Variants in PRR12 observed in about 807,000 individuals in gnomAD.
PRR12 encodes the protein proline rich 12, also known as proline-rich protein 12.
PRR12 carries 12 observed loss-of-function variants against 138.0 expected under a neutral mutation model. That is an observed-to-expected ratio of 0.09 (90% CI 0.06 to 0.14). The LOEUF is 0.14. PRR12 is among the 10% of genes least tolerant of loss of function. The probability of loss-of-function intolerance (pLI) is 1.00; values close to 1 mark genes in which losing one functional copy is unlikely to be tolerated. For missense variants in PRR12, 2,692 were observed against 2,861.3 expected (o/e 0.94, Z 1.35); for synonymous variants, 1,567 against 1,291.7 (o/e 1.21, Z -4.57).
At position 49,597,159 on chromosome 19, in the gene PRR12, G is replaced by A. The variant is rs1568423157; in HGVS notation, c.2824G>A (p.Glu942Lys). 6.4e-7 allele frequency: 1 copy of A among 1,552,254 alleles called. No individual in the cohort carries two copies. ...CTTCCCTGACTCCTTGCTCCAAGAC[G>A]AGGAGCGCAGCTTCTTCCCCACCAT... Reference protein sequence around the residue: ...ICFPDSLLQDEERSFFPTMEE... With the variant: ...ICFPDSLLQDKERSFFPTMEE... The change falls in exon 4 of 14, where the codon GAG becomes AAG. Residue 942 changes from glutamate (E) to lysine (K), a missense_variant. By Grantham distance (56) the Glu-to-Lys change is moderately conservative. Transcript: ENST00000418929. This position sits in a 1 kb window ranked among gnomAD's most constrained non-coding sequence, Gnocchi z 6.3.
intron 6 of PRR12, among the ~76,000 whole-genome samples, chr19:49,603,991 T>C (rs2080825658): frequency 6.6e-6 from 1 of 151,964 alleles, no homozygotes. Context: ...TGGCTAATTT[T>C]TGTATTTTTA....
At chr19:49,598,243 T>G (rs2080789062) in intron 4 of PRR12, among the ~76,000 whole-genome samples, 2 of 151,760 alleles carry the variant, frequency 1.3e-5, no homozygotes, top group East Asian at 1.9e-4. Context: ...CCGGCTAGTT[T>G]TTTTGTATTT....
In PRR12 at chr19:49,625,604, G is replaced by A; in HGVS notation, c.6108G>A (p.Gly2036=). The A allele has an allele frequency of 1.2e-6, 2 of 1,603,788 alleles. No individual in the cohort carries two copies. Among genetic ancestry groups the A allele is most frequent in the Non-Finnish European group, 1.7e-6 (2 of 1,174,834 alleles). ...AAGCACAGGCCCACAGCCGCTGCGG[G>A]TGACCCCGCCCCAGCTTGTGAGGGG... ...LAQAQAHSRC[G] Residue 2036 remains glycine (G), a synonymous_variant, in exon 14 of 14, where the codon GGG becomes GGA. Coordinates refer to ENST00000418929, the MANE Select transcript of PRR12 (RefSeq NM_020719.3). The surrounding 1 kb of genome is among the most constrained non-coding windows in gnomAD (Gnocchi z 5.5).
At position 49,594,642 on chromosome 19, in the gene PRR12, C is replaced by T. The variant is rs2080751994; in HGVS notation, c.361+27C>T. 2 of 1,611,026 alleles carry T rather than the reference C, an allele frequency of 1.2e-6. No individual in the cohort carries two copies. Among genetic ancestry groups the T allele is most frequent in the African/African-American group, 1.3e-5 (1 of 74,898 alleles). The stretch of plus-strand genomic sequence containing the variant: ...TAAGCCCAGCGCCGGCCCTGCAGGG[C>T]CAGGGTGGGACTGGCTCGCTGTTCT... On this transcript the variant is annotated intron_variant, in intron 3 of 13. Transcript: ENST00000418929. This position sits in a 1 kb window ranked among gnomAD's most constrained non-coding sequence, Gnocchi z 5.6.
intron 4 of PRR12, among the ~76,000 whole-genome samples, chr19:49,598,635 C>T (rs532598370): frequency 5.9e-5 from 9 of 152,162 alleles, no homozygotes; most frequent in African/African-American, 9.6e-5. Context: ...GCCTGGTCAG[C>T]GTAGTGAGAC....
At position 49,601,522 on chromosome 19, in the gene PRR12, C is replaced by A; in HGVS notation, c.4377C>A (p.Pro1459=). 1 of 1,529,674 alleles carries A rather than the reference C, an allele frequency of 6.5e-7. No homozygotes were observed. The highest frequency in any genetic ancestry group is 8.8e-7 in the Non-Finnish European group (1 of 1,130,500). 94.8% of individuals were successfully genotyped at this position (1,529,674 alleles called of 1,614,324 possible). The change falls in exon 6 of 14, where the codon CCC becomes CCA. Residue 1459 remains proline (P), a synonymous_variant. Coordinates refer to ENST00000418929, the MANE Select transcript of PRR12 (RefSeq NM_020719.3). ...EPPLLEEKPP[P]TPPPAPTPQP... ...CGCTGCTGGAGGAGAAACCCCCACC[C>A]ACTCCACCTCCTGCCCCGACTCCTC... is the stretch of plus-strand genomic sequence containing the variant.
chr19:49,621,919 G>A (rs764561663), intron 11 of PRR12, among the ~76,000 whole-genome samples: 1 of 152,218 alleles, frequency 6.6e-6, no homozygotes, highest in Admixed American at 6.5e-5. Context: ...TGCACCCAAA[G>A]CGGGCACTGG....
At chr19:49,619,224 G>GTTTTTTTTTT (rs34027784) in intron 9 of PRR12, among the ~76,000 whole-genome samples, 1 of 79,768 alleles carries the variant, frequency 1.3e-5, no homozygotes, top group African/African-American at 5.4e-5. Flanking sequence ...CCTCCTGTGA[G>GTTTTTTTTTT]TTTTTTTTTT....
At chr19:49,603,691 C>T (rs2080823591) in intron 6 of PRR12, among the ~76,000 whole-genome samples, 1 of 151,846 alleles carries the variant, frequency 6.6e-6, no homozygotes, top group African/African-American at 2.4e-5. Flanking sequence ...GAGCAAGACT[C>T]CATCTCGAAA....
intron 11 of PRR12, 44 bp downstream of exon 11, chr19:49,621,666 A>T (rs1334896057): frequency 1.3e-5 from 19 of 1,468,306 alleles, no homozygotes; most frequent in Non-Finnish European, 1.8e-5. Context: ...CCCAGGGTCC[A>T]CATGGAGAAG....
At chr19:49,609,429 C>T (rs913385039) in intron 6 of PRR12, among the ~76,000 whole-genome samples, 2 of 151,848 alleles carry the variant, frequency 1.3e-5, no homozygotes, top group South Asian at 2.1e-4. Context: ...GGTGCAATCC[C>T]GTCTCTACTA....
At chr19:49,609,226 G>A (rs1179485463) in intron 6 of PRR12, among the ~76,000 whole-genome samples, 1 of 152,182 alleles carries the variant, frequency 6.6e-6, no homozygotes, top group East Asian at 1.9e-4. Flanking sequence ...GATCACCGGA[G>A]TTTGAGAGGT....
At position 49,591,674 on chromosome 19, in the gene PRR12, GCGCCGGCTT is replaced by G; in HGVS notation, c.23_31del (p.Ala8_Phe10del). On this transcript the variant is annotated inframe_deletion, in exon 1 of 14. Coordinates refer to ENST00000418929, the MANE Select transcript of PRR12 (RefSeq NM_020719.3). Reference sequence around the variant, plus strand: ...CAATTCATGGACAGGAACTACCCCAGCGCCGGCTTCGGGGACCCGCTCGGCGCCGGGGCG... The same window carrying G: ...CAATTCATGGACAGGAACTACCCCAGCGGGGACCCGCTCGGCGCCGGGGCG... The G allele has an allele frequency of 8.2e-7, 1 of 1,218,922 alleles. No individual in the cohort carries two copies. The highest frequency in any genetic ancestry group is 1.3e-5 in the South Asian group (1 of 74,282). 75.5% of individuals were successfully genotyped at this position (1,218,922 alleles called of 1,614,324 possible). A position where few individuals can be genotyped will look rare whatever the true frequency, so the allele number is the denominator to read the frequency against.
rs1428901294 is a variant in PRR12 at position 49,595,139 on chromosome 19, C to T, written c.804C>T (p.Phe268=). 2 of 1,611,838 alleles carry T rather than the reference C, an allele frequency of 1.2e-6. No homozygotes were observed. The change falls in exon 4 of 14, where the codon TTC becomes TTT. Residue 268 remains phenylalanine (F), a synonymous_variant. Coordinates refer to ENST00000418929, the MANE Select transcript of PRR12 (RefSeq NM_020719.3). ...AGTCCTCCCCACAGCTCTATAACTT[C>T]TCGGGTGCTGCCCCGGGCCCACCGC... The part of the protein sequence containing the change: ...AEQSSPQLYN[F]SGAAPGPPPP...
intron 6 of PRR12, among the ~76,000 whole-genome samples, chr19:49,605,201 C>T (rs1281237040): frequency 1.3e-5 from 2 of 151,788 alleles, no homozygotes; most frequent in African/African-American, 4.8e-5. Context: ...ATAAAGTAGC[C>T]TTCCCAGGCT....
At chr19:49,592,091 C>T (rs1044619133) in intron 1 of PRR12, among the ~76,000 whole-genome samples, 3 of 152,062 alleles carry the variant, frequency 2.0e-5, no homozygotes, top group Non-Finnish European at 4.4e-5. Flanking sequence ...CCCCGCGCCC[C>T]AGGCACTGCT....
At chr19:49,593,209 T>A in intron 1 of PRR12, 118 bp from the exon 2 acceptor site, 1 of 614,278 alleles carries the variant, frequency 1.6e-6, no homozygotes, top group Middle Eastern at 3.0e-4. Context: ...TTCCTTAGCT[T>A]AACACCCCCC....
Position 49,594,816 on chromosome 19 carries a change from C to T in PRR12, c.481C>T (p.Pro161Ser). The T allele has an allele frequency of 1.2e-6, 2 of 1,612,530 alleles. No homozygotes were observed. The highest frequency in any genetic ancestry group is 1.7e-6 in the Non-Finnish European group (2 of 1,179,542). The change falls in exon 4 of 14, where the codon CCC (proline) becomes TCC (serine). Residue 161 changes from proline (P) to serine (S), a missense_variant. Physicochemically the swap from Pro to Ser is moderately conservative, Grantham distance 74 (BLOSUM62 -1). Around this residue, in one of 11 missense-constraint regions of PRR12, gnomAD observed 211 missense variants for 266.3 expected, o/e 0.79. Coordinates refer to ENST00000418929, the MANE Select transcript of PRR12 (RefSeq NM_020719.3). The surrounding 1 kb of genome is among the most constrained non-coding windows in gnomAD (Gnocchi z 5.6). ...YQHPASFGSR[P>S]FPVPSSLSLQ... ...ACACCCGGCTTCCTTCGGCAGCCGC[C>T]CCTTCCCAGTGCCCTCGTCCCTCAG...
In PRR12 at chr19:49,615,016, A is replaced by G; in HGVS notation, c.5024+7A>G. 6.2e-7 allele frequency: 1 copy of G among 1,613,780 alleles called. No individual in the cohort carries two copies. Among genetic ancestry groups the G allele is most frequent in the Non-Finnish European group, 8.5e-7 (1 of 1,179,854 alleles). On this transcript the variant is annotated splice_region_variant and intron_variant, in intron 8 of 13. Coordinates refer to ENST00000418929, the MANE Select transcript of PRR12 (RefSeq NM_020719.3). ...GGCCCCCAGTGCCAGTCAGGTACCA[A>G]CCATGGGGGACACAGGGGCAGGTAG...
Sources: allele counts gnomAD v4.1 joint callset (sites outside exome capture counted in the v4.1 genomes callset), GRCh38; gene constraint gnomAD v4.1.1; regional missense constraint gnomAD v4.1.1; non-coding constraint Gnocchi (gnomAD v3.1); transcripts MANE v1.5; gene names NCBI Gene and HGNC (gene_info 2026-07-23, HGNC 2026-07-21).